ASIC2: variants seen among roughly 807,000 people sequenced by gnomAD.
The protein encoded by ASIC2 is acid sensing ion channel subunit 2.
In ASIC2, 25 loss-of-function variants were observed where a neutral mutation model predicts 57.3. That is an observed-to-expected ratio of 0.44 (90% CI 0.32 to 0.61). The LOEUF is 0.61. ASIC2 is among the 20% of genes least tolerant of loss of function. The pLI, the probability that ASIC2 is intolerant of heterozygous loss-of-function variation, is 0.06. For missense variants in ASIC2, 641 were observed against 738.1 expected, an observed-to-expected ratio of 0.87 and a Z score of 1.52; for synonymous variants, 319 against 307.5, an observed-to-expected ratio of 1.04 and a Z score of -0.39.
At chr17:33,550,306 G>A (rs1915712951) in intron 1 of ASIC2, among the ~76,000 whole-genome samples, 1 of 152,248 alleles carries the variant, frequency 6.6e-6, no homozygotes, top group Non-Finnish European at 1.5e-5. Context: ...TTGCAAGTTT[G>A]CAATCACAGT....
intron 3 of ASIC2, among the ~76,000 whole-genome samples, chr17:33,037,984 T>G (rs1343974752): frequency 6.6e-6 from 1 of 152,192 alleles, no homozygotes; most frequent in African/African-American, 2.4e-5. Flanking sequence ...CATGATCTCT[T>G]AAGCCTTTGT....
intron 1 of ASIC2, chr17:33,936,641 G>A (rs1021004790): frequency 8.5e-5 from 13 of 152,190 alleles, no homozygotes; most frequent in African/African-American, 3.1e-4. Flanking sequence ...AATTTCTTGG[G>A]GGCTCTGGAG....
At chr17:33,319,559 A>C (rs111884195) in intron 1 of ASIC2, among the ~76,000 whole-genome samples, 58 of 152,354 alleles carry the variant, frequency 3.8e-4, no homozygotes, top group African/African-American at 1.4e-3. Flanking sequence ...TACATGAGAT[A>C]TTTTGATACA....
rs987073828 is a variant in ASIC2, at chr17:34,037,400, G to C, written c.555+118578C>G. The C allele has an allele frequency of 6.1e-6, 3 of 490,072 alleles. No individual in the cohort carries two copies. In the East Asian group the frequency reaches 1.0e-4, roughly 17 times the overall value. 30.4% of individuals were successfully genotyped at this position (490,072 alleles called of 1,614,324 possible). A position where few individuals can be genotyped will look rare whatever the true frequency, so the allele number is the denominator to read the frequency against. On this transcript the variant is annotated intron_variant, in intron 1 of 9. Coordinates refer to the ASIC2 transcript ENST00000359872. ...GTGGCCGTTGACGCTGGAACCTCGG[G>C]CGGGGCCTTTTCCTACAAGGCCTGG... is the stretch of plus-strand genomic sequence containing the variant.
intron 1 of ASIC2, among the ~76,000 whole-genome samples, chr17:33,304,232 A>G (rs149555511): frequency 3.1e-4 from 47 of 152,348 alleles, no homozygotes; most frequent in African/African-American, 1.0e-3. Flanking sequence ...TCTGAGTCCA[A>G]AGAGCACATC....
chr17:33,942,061 G>A (rs1916203189), intron 1 of ASIC2, among the ~76,000 whole-genome samples: 1 of 152,208 alleles, frequency 6.6e-6, no homozygotes, highest in South Asian at 2.1e-4. Context: ...GAAGCTAGGT[G>A]CTTTGAGTAG....
intron 1 of ASIC2, among the ~76,000 whole-genome samples, chr17:33,213,008 G>A (rs1253574810): frequency 1.3e-5 from 2 of 152,218 alleles, no homozygotes; most frequent in Non-Finnish European, 2.9e-5. Flanking sequence ...TTATATCTAT[G>A]TGCTAAGCAA....
At chr17:33,651,602 G>A (rs1597822123) in intron 1 of ASIC2, among the ~76,000 whole-genome samples, 1 of 152,210 alleles carries the variant, frequency 6.6e-6, no homozygotes, top group East Asian at 1.9e-4. Flanking sequence ...ACTCATTTCA[G>A]ATGGAGAGCA....
chr17:33,549,292 G>A (rs903997383), intron 1 of ASIC2, among the ~76,000 whole-genome samples: 1 of 152,130 alleles, frequency 6.6e-6, no homozygotes, highest in African/African-American at 2.4e-5. Flanking sequence ...AGAAGACAGG[G>A]TGCATCTTAA....
intron 1 of ASIC2, among the ~76,000 whole-genome samples, chr17:33,926,775 A>G (rs1022826709): frequency 6.6e-6 from 1 of 152,220 alleles, no homozygotes; most frequent in Non-Finnish European, 1.5e-5. Context: ...TGTATCTGCT[A>G]TTAAGCAAGA....
At chr17:33,677,128 G>T (rs7217178) in intron 1 of ASIC2, among the ~76,000 whole-genome samples, 6,824 of 152,194 alleles carry the variant, frequency 0.045, 389 homozygotes, top group African/African-American at 0.13. Context: ...GGTATTTCTT[G>T]GTAGCAATGC....
At chr17:34,066,568 C>A (rs576880272) in intron 1 of ASIC2, among the ~76,000 whole-genome samples, 1 of 152,282 alleles carries the variant, frequency 6.6e-6, no homozygotes, top group African/African-American at 2.4e-5. Context: ...TTTCACATGG[C>A]CTGCAAAGAC....
intron 1 of ASIC2, among the ~76,000 whole-genome samples, chr17:33,662,061 T>C (rs1438844765): frequency 2.0e-5 from 3 of 152,186 alleles, no homozygotes; most frequent in Admixed American, 6.5e-5. Context: ...ATGCATTATG[T>C]CAGAGCAAGG....
rs1257706437 is a variant in ASIC2 at position 33,657,846 on chromosome 17, A to G, written c.555+498132T>C. 3.3e-5 allele frequency among the ~76,000 whole-genome samples: 5 copies of G among 152,128 alleles called. No homozygotes were observed. In the East Asian group the frequency reaches 9.6e-4, roughly 29 times the overall value. On this transcript the variant is annotated intron_variant, in intron 1 of 9. Coordinates refer to the ASIC2 transcript ENST00000359872. Reference sequence around the variant, plus strand: ...GAACACTGGATTAAACTTAGTTGGAATCCAACAGCGATCTAATAAAGGCAT... The same window carrying G: ...GAACACTGGATTAAACTTAGTTGGAGTCCAACAGCGATCTAATAAAGGCAT...
chr17:33,828,508 T>A (rs986836349), intron 1 of ASIC2: 5 of 152,162 alleles, frequency 3.3e-5, no homozygotes, highest in African/African-American at 1.2e-4. Context: ...GAGGTAAGAT[T>A]ATGGCATGAA....
intron 1 of ASIC2, among the ~76,000 whole-genome samples, chr17:33,649,063 A>G (rs1906838655): frequency 6.6e-6 from 1 of 152,230 alleles, no homozygotes; most frequent in African/African-American, 2.4e-5. Context: ...TAGCCAGTGC[A>G]ACAAGGCCAG....
chr17:33,879,923 A>G (rs1914657462), intron 1 of ASIC2, among the ~76,000 whole-genome samples: 1 of 152,338 alleles, frequency 6.6e-6, no homozygotes, highest in South Asian at 2.1e-4. Context: ...CCACAGTGCA[A>G]TCAAACTAGA....
intron 1 of ASIC2, among the ~76,000 whole-genome samples, chr17:33,215,763 G>T (rs1396108509): frequency 6.6e-6 from 1 of 150,692 alleles, no homozygotes; most frequent in Non-Finnish European, 1.5e-5. Flanking sequence ...GCAGTGGCGC[G>T]ATCTCGGCTC....
At chr17:34,040,580 G>A (rs906571721) in intron 1 of ASIC2, among the ~76,000 whole-genome samples, 2 of 152,158 alleles carry the variant, frequency 1.3e-5, no homozygotes, top group African/African-American at 4.8e-5. Flanking sequence ...ACAGGGTAGG[G>A]TGACTTGCAC....
Sources: allele counts gnomAD v4.1 joint callset (sites outside exome capture counted in the v4.1 genomes callset), GRCh38; gene constraint gnomAD v4.1.1; transcripts MANE v1.5; gene names NCBI Gene and HGNC (gene_info 2026-07-23, HGNC 2026-07-21).